Variants in CDH13 observed in about 807,000 individuals in gnomAD.
The protein encoded by CDH13 is cadherin-13.
Under a neutral mutation model 63.8 loss-of-function variants are expected in CDH13, and 24 were observed. That is an observed-to-expected ratio of 0.38 (90% CI 0.27 to 0.53). CDH13 has a LOEUF of 0.53. Among genes scored for constraint, CDH13 ranks in the 20% least tolerant of loss-of-function variants. The pLI is 0.85. For missense variants in CDH13, 1,049 were observed against 903.1 expected (o/e 1.16, Z -2.07); for synonymous variants, 503 against 355.3 (o/e 1.42, Z -4.67).
intron 3 of CDH13, among the ~76,000 whole-genome samples, chr16:83,063,675 C>T (rs1597254741): frequency 6.6e-6 from 1 of 152,154 alleles, no homozygotes; most frequent in East Asian, 1.9e-4. Context: ...AACAAATTAG[C>T]ACAAACTTTG....
chr16:83,245,756 T>C (rs977933377), intron 5 of CDH13, among the ~76,000 whole-genome samples: 2 of 152,188 alleles, frequency 1.3e-5, no homozygotes, highest in African/African-American at 4.8e-5. Context: ...TTTTATTTTT[T>C]TCCTGAGGCA....
At chr16:83,102,911 C>CTTTTTTTTTTT in intron 3 of CDH13, among the ~76,000 whole-genome samples, 1 of 96,600 alleles carries the variant, frequency 1.0e-5, no homozygotes, top group Non-Finnish European at 2.0e-5. Context: ...ATTAAACTTT[C>CTTTTTTTTTTT]TTTTTTTTTT....
intron 2 of CDH13, among the ~76,000 whole-genome samples, chr16:82,912,737 A>C (rs2041869907): frequency 6.6e-6 from 1 of 152,136 alleles, no homozygotes; most frequent in Non-Finnish European, 1.5e-5. Context: ...AGGTCAGGAG[A>C]TCGAAACCAT....
chr16:83,308,035 C>G (rs545998939), intron 5 of CDH13, among the ~76,000 whole-genome samples: 2 of 152,092 alleles, frequency 1.3e-5, no homozygotes, highest in African/African-American at 2.4e-5. Context: ...CGTGTATTAC[C>G]TCAATCAGAA....
At chr16:83,450,419 A>G (rs1046320401) in intron 6 of CDH13, among the ~76,000 whole-genome samples, 4 of 152,046 alleles carry the variant, frequency 2.6e-5, no homozygotes, top group Non-Finnish European at 4.4e-5. Flanking sequence ...GTGGGGGACA[A>G]TTTTCTACCT....
chr16:83,304,068 C>T (rs1287859130), intron 5 of CDH13, among the ~76,000 whole-genome samples: 1 of 152,144 alleles, frequency 6.6e-6, no homozygotes, highest in African/African-American at 2.4e-5. Context: ...TTTAATTATT[C>T]ATGGAATTCC....
chr16:82,948,738 C>T (rs975350094), intron 2 of CDH13, among the ~76,000 whole-genome samples: 16 of 152,170 alleles, frequency 1.1e-4, no homozygotes, highest in Admixed American at 1.0e-3. Context: ...CTTTACACCA[C>T]TCAAAAGCAG....
chr16:82,681,803 A>C (rs967293294), intron 1 of CDH13, among the ~76,000 whole-genome samples: 1 of 152,266 alleles, frequency 6.6e-6, no homozygotes, highest in African/African-American at 2.4e-5. Flanking sequence ...CACTCGGGTG[A>C]GGACTGACAT....
chr16:83,033,842 C>T (rs183184914), intron 3 of CDH13, among the ~76,000 whole-genome samples: 1 of 152,276 alleles, frequency 6.6e-6, no homozygotes, highest in East Asian at 1.9e-4. Context: ...TTAATGATGG[C>T]ATGCCCCTGC....
intron 2 of CDH13, among the ~76,000 whole-genome samples, chr16:83,021,490 A>G (rs963231471): frequency 6.6e-6 from 1 of 152,222 alleles, no homozygotes; most frequent in Non-Finnish European, 1.5e-5. Context: ...TCAGTTTTTA[A>G]TGGTAGGTGG....
intron 6 of CDH13, among the ~76,000 whole-genome samples, chr16:83,426,346 C>G (rs1472410439): frequency 6.6e-6 from 1 of 152,122 alleles, no homozygotes; most frequent in Non-Finnish European, 1.5e-5. Flanking sequence ...TAATGTTTCT[C>G]TCCCCCTCAT....
rs116614638 is a variant in CDH13, at chr16:83,309,087, A to G, written c.637-35775A>G. Among the ~76,000 whole-genome samples, 595 of 152,140 alleles carry G rather than the reference A, an allele frequency of 3.9e-3. 5 individuals are homozygous for G. Among genetic ancestry groups the G allele is most frequent in the African/African-American group, 0.014 (569 of 41,514 alleles). ...ACTGTGGCTTGGTGCTTGTCCCTCC[A>G]TATCGTAACTCTGTTTTATATTCTT... On this transcript the variant is annotated intron_variant, in intron 5 of 13. Coordinates refer to ENST00000567109, the MANE Select transcript of CDH13 (RefSeq NM_001257.5).
intron 7 of CDH13, among the ~76,000 whole-genome samples, chr16:83,555,101 A>G (rs756424988): frequency 1.3e-5 from 2 of 152,170 alleles, no homozygotes; most frequent in Non-Finnish European, 2.9e-5. Flanking sequence ...ACCATGTTGT[A>G]TACAGAGAGA....
intron 1 of CDH13, among the ~76,000 whole-genome samples, chr16:82,689,407 C>T (rs1161500723): frequency 6.6e-6 from 1 of 152,128 alleles, no homozygotes; most frequent in Non-Finnish European, 1.5e-5. Context: ...TTAAGACTAT[C>T]ATTATCATAG....
At chr16:82,953,293 T>G (rs1905558489) in intron 2 of CDH13, 1 of 152,192 alleles carries the variant, frequency 6.6e-6, no homozygotes, top group Non-Finnish European at 1.5e-5. Flanking sequence ...AATATGGCCA[T>G]AAAGGTTTTA....
At chr16:83,491,379 C>G (rs1028647488) in intron 7 of CDH13, among the ~76,000 whole-genome samples, 2 of 152,152 alleles carry the variant, frequency 1.3e-5, no homozygotes, top group Non-Finnish European at 2.9e-5. Flanking sequence ...TTTCTGGCAT[C>G]TCTGTCTATG....
At chr16:82,870,392 T>G (rs1239762320) in intron 2 of CDH13, among the ~76,000 whole-genome samples, 1 of 152,164 alleles carries the variant, frequency 6.6e-6, no homozygotes, top group Non-Finnish European at 1.5e-5. Flanking sequence ...ACAGCCACTA[T>G]GCAGAACACT....
chr16:83,485,451 C>A (rs889454602), intron 6 of CDH13, among the ~76,000 whole-genome samples: 2 of 152,144 alleles, frequency 1.3e-5, no homozygotes, highest in African/African-American at 4.8e-5. Context: ...TTGTATGACT[C>A]TTGCTTGTTT....
At chr16:83,010,890 C>G (rs1024205216) in intron 2 of CDH13, among the ~76,000 whole-genome samples, 1 of 152,216 alleles carries the variant, frequency 6.6e-6, no homozygotes, top group African/African-American at 2.4e-5. Flanking sequence ...TAAGGCGAAA[C>G]TTAAATGTAA....
Sources: allele counts gnomAD v4.1 joint callset (sites outside exome capture counted in the v4.1 genomes callset), GRCh38; gene constraint gnomAD v4.1.1; transcripts MANE v1.5; gene names NCBI Gene and HGNC (gene_info 2026-07-23, HGNC 2026-07-21).